Variants in RBM25 observed in about 807,000 individuals in gnomAD.
RBM25 encodes the protein RNA binding motif protein 25, also known as RNA-binding protein 25.
A neutral mutation model predicts 120.7 loss-of-function variants in RBM25; 19 were observed. The observed-to-expected ratio is 0.16, with a 90% CI of 0.11 to 0.23. The LOEUF (loss-of-function observed/expected upper bound fraction) is 0.23. RBM25 is among the 10% of genes least tolerant of loss of function. The probability of loss-of-function intolerance (pLI) is 1.00; values close to 1 mark genes in which losing one functional copy is unlikely to be tolerated. For missense variants in RBM25, 605 were observed against 1,041.5 expected (o/e 0.58, Z 5.77); for synonymous variants, 390 against 326.7 (o/e 1.19, Z -2.09).
chr14:73,080,432 C>G lies in RBM25; in HGVS notation c.324+2896C>G, dbSNP rs372480679. On this transcript the variant is annotated intron_variant, in intron 4 of 18. Coordinates refer to ENST00000261973, the MANE Select transcript of RBM25 (RefSeq NM_021239.3). Reference sequence around the variant, plus strand: ...TAGAGACAAGGTTTCACCATGTTAGCCAGGATGGTCTCGATCTCCTGACCT... The same window carrying G: ...TAGAGACAAGGTTTCACCATGTTAGGCAGGATGGTCTCGATCTCCTGACCT... Among the ~76,000 whole-genome samples the G allele has an allele frequency of 1.2e-4, 19 of 152,054 alleles. No homozygotes were observed. The East Asian group carries it at 3.7e-3, about 29-fold the overall frequency.
intron 5 of RBM25, among the ~76,000 whole-genome samples, chr14:73,086,319 T>C (rs1219408207): frequency 1.3e-5 from 2 of 151,938 alleles, no homozygotes; most frequent in Non-Finnish European, 2.9e-5. Context: ...GCTCCTTTAG[T>C]CTGAGCTACT....
chr14:73,068,198 T>G (rs1165775188), intron 1 of RBM25: 2 of 874,098 alleles, frequency 2.3e-6, no homozygotes, highest in Non-Finnish European at 3.8e-6. Flanking sequence ...AAGCCTTGTT[T>G]TGGAACAAAT....
intron 6 of RBM25, among the ~76,000 whole-genome samples, chr14:73,094,442 C>G (rs1460110110): frequency 1.3e-5 from 2 of 151,506 alleles, no homozygotes; most frequent in Non-Finnish European, 2.9e-5. Flanking sequence ...AATTTAGGGT[C>G]TATAAGGATT....
Position 73,068,387 on chromosome 14 carries a change from A to ATTT in RBM25, c.-15-3224_-15-3222dup, listed in dbSNP as rs34314453. 2.6e-3 allele frequency: 1,250 copies of ATTT among 475,886 alleles called. 4 individuals carry two copies. The highest frequency in any genetic ancestry group is 0.012 in the East Asian group (276 of 23,048). 29.5% of individuals were successfully genotyped at this position (475,886 alleles called of 1,614,324 possible). On this transcript the variant is annotated intron_variant, in intron 1 of 18. Coordinates refer to ENST00000261973, the MANE Select transcript of RBM25 (RefSeq NM_021239.3). ...AATGGAGAGACAATGCTTGTATTTG[A>ATTT]TTTTTTTTTTTTTTTTTTGGTTCAT...
At chr14:73,078,858 C>T (rs1245470951) in intron 4 of RBM25, among the ~76,000 whole-genome samples, 1 of 152,142 alleles carries the variant, frequency 6.6e-6, no homozygotes, top group Non-Finnish European at 1.5e-5. Context: ...CCTGCGTTGG[C>T]TTTCCAAAGT....
chr14:73,069,216 T>C (rs561140920), intron 1 of RBM25, among the ~76,000 whole-genome samples: 2 of 152,312 alleles, frequency 1.3e-5, no homozygotes, highest in Admixed American at 6.5e-5. Context: ...AATAAAACTT[T>C]TGTGAACTGA....
intron 10 of RBM25, among the ~76,000 whole-genome samples, chr14:73,105,282 AG>A (rs1896160875): frequency 1.3e-5 from 2 of 152,034 alleles, no homozygotes; most frequent in African/African-American, 4.8e-5. Flanking sequence ...GGCCTCAAGC[AG>A]GCCTCCTACC....
At chr14:73,059,824 T>C (rs114162016) in intron 1 of RBM25, among the ~76,000 whole-genome samples, 3,974 of 152,262 alleles carry the variant, frequency 0.026, 172 homozygotes, top group African/African-American at 0.092. Context: ...CTTTTTTCTT[T>C]TAAGCTTTGG....
chr14:73,073,096 T>A (rs1238363009), intron 2 of RBM25, among the ~76,000 whole-genome samples: 8 of 152,206 alleles, frequency 5.3e-5, no homozygotes, highest in African/African-American at 7.2e-5. Flanking sequence ...AAAATTTTTT[T>A]AAAAAACATT....
intron 4 of RBM25, among the ~76,000 whole-genome samples, chr14:73,078,171 C>T (rs1430182182): frequency 3.3e-5 from 5 of 151,952 alleles, no homozygotes; most frequent in African/African-American, 4.8e-5. Flanking sequence ...GGCGTGGTGG[C>T]GTGTGCCTGT....
intron 12 of RBM25, 108 bp from the exon 13 acceptor site, chr14:73,107,718 T>C (rs756712375): frequency 3.9e-6 from 3 of 779,136 alleles, no homozygotes; most frequent in Non-Finnish European, 6.5e-6. Context: ...GTCTCCCTCT[T>C]ACTCTTGGTT....
At chr14:73,104,007 C>CTG (rs1896127038) in intron 10 of RBM25, among the ~76,000 whole-genome samples, 5 of 151,154 alleles carry the variant, frequency 3.3e-5, no homozygotes, top group African/African-American at 1.2e-4. Context: ...CTCTCTCTCT[C>CTG]TCTCTCTCTC....
intron 3 of RBM25, among the ~76,000 whole-genome samples, chr14:73,076,847 A>G (rs1468538645): frequency 6.6e-6 from 1 of 152,232 alleles, no homozygotes; most frequent in Non-Finnish European, 1.5e-5. Context: ...TGTTCAAGAC[A>G]TAGGCCAGGA....
intron 2 of RBM25, among the ~76,000 whole-genome samples, chr14:73,072,877 CG>C (rs1331172251): frequency 6.6e-6 from 1 of 151,952 alleles, no homozygotes; most frequent in Non-Finnish European, 1.5e-5. Flanking sequence ...ATGTATGTTA[CG>C]GGGGTTGTAT....
At chr14:73,070,945 CAA>C (rs377148981) in intron 1 of RBM25, among the ~76,000 whole-genome samples, 8 of 123,908 alleles carry the variant, frequency 6.5e-5, no homozygotes, top group Admixed American at 2.5e-4. Context: ...GACTCCATCT[CAA>C]AAAAAAAAAA....
At chr14:73,061,820 C>T (rs909179819) in intron 1 of RBM25, among the ~76,000 whole-genome samples, 1 of 151,420 alleles carries the variant, frequency 6.6e-6, no homozygotes, top group Non-Finnish European at 1.5e-5. Context: ...CCTGCCTCGT[C>T]CTCCCAAAGT....
chr14:73,107,312 G>A (rs1426110394), intron 12 of RBM25: 1 of 152,710 alleles, frequency 6.5e-6, no homozygotes, highest in Non-Finnish European at 1.5e-5. Context: ...AATTTAAAAT[G>A]TCTAATGTGA....
chr14:73,123,268 C>T lies in RBM25; in HGVS notation c.*3463C>T, dbSNP rs1466557723. ...TTTGAACTAGACACTATCTTTTTTT[C>T]TCCTTTTTAATGGAATAAATTTAAT... On this transcript the variant is annotated 3_prime_UTR_variant, in exon 19 of 19. Coordinates refer to ENST00000261973, the MANE Select transcript of RBM25 (RefSeq NM_021239.3). 2 of 151,730 alleles carry T rather than the reference C, an allele frequency of 1.3e-5. No individual in the cohort carries two copies. The highest frequency in any genetic ancestry group is 4.8e-5 in the African/African-American group (2 of 41,286). 9.4% of individuals were successfully genotyped at this position (151,730 alleles called of 1,614,324 possible).
chr14:73,088,517 T>C (rs1895740045), intron 6 of RBM25: 1 of 401,946 alleles, frequency 2.5e-6, no homozygotes, highest in Non-Finnish European at 4.9e-6. Context: ...TTTTATTAGT[T>C]TCCCTCTCTT....
Sources: allele counts gnomAD v4.1 joint callset (sites outside exome capture counted in the v4.1 genomes callset), GRCh38; gene constraint gnomAD v4.1.1; transcripts MANE v1.5; gene names NCBI Gene and HGNC (gene_info 2026-07-23, HGNC 2026-07-21).